Variants in HMGCL observed in about 807,000 individuals in gnomAD.
HMGCL encodes the protein hydroxymethylglutaryl-CoA lyase, mitochondrial.
Under a neutral mutation model 37.3 loss-of-function variants are expected in HMGCL, and 26 were observed. The ratio of observed to expected loss-of-function variants is 0.70; its 90% CI spans 0.51 to 0.97. The LOEUF (loss-of-function observed/expected upper bound fraction) is 0.97, where lower values mean the gene tolerates loss of function less well. Among genes scored for constraint, HMGCL ranks in the 50% least tolerant of loss-of-function variants. The pLI is 0.00. For synonymous variants in HMGCL, 151 were observed against 148.0 expected (o/e 1.02, Z -0.15); for missense variants, 379 against 398.1 (o/e 0.95, Z 0.41).
At chr1:23,825,304 T>C in intron 1 of HMGCL, 52 bp downstream of exon 1, 3 of 1,452,276 alleles carry the variant, frequency 2.1e-6, no homozygotes, top group Non-Finnish European at 2.8e-6. Flanking sequence ...CCCCCAACCC[T>C]GACAGTCAGA....
chr1:23,810,829 A>C, intron 5 of HMGCL, 30 bp from the exon 6 acceptor site: 1 of 1,597,658 alleles, frequency 6.3e-7, no homozygotes, highest in Non-Finnish European at 8.6e-7. Context: ...GAATGAGGTC[A>C]GTGTCCTGAG....
rs145531524 is a variant in HMGCL at position 23,818,139 on chromosome 1, T to C, written c.145-556A>G. Among the ~76,000 whole-genome samples, 1,305 of 152,272 alleles carry C rather than the reference T, an allele frequency of 8.6e-3. 17 individuals carry two copies. The highest frequency in any genetic ancestry group is 0.029 in the African/African-American group (1,206 of 41,548). On this transcript the variant is annotated intron_variant, in intron 2 of 8. Coordinates refer to ENST00000374490, the MANE Select transcript of HMGCL (RefSeq NM_000191.3). Reference sequence around the variant, plus strand: ...AAGCTTTCTATGGCTCCCTAATATTTACAGGATTACGCAAAAAATTCTAAG... The same window carrying C: ...AAGCTTTCTATGGCTCCCTAATATTCACAGGATTACGCAAAAAATTCTAAG...
intron 6 of HMGCL, among the ~76,000 whole-genome samples, chr1:23,808,732 T>C (rs1411877796): frequency 1.5e-5 from 2 of 136,606 alleles, no homozygotes; most frequent in South Asian, 2.3e-4. Context: ...ATGCTAGTTA[T>C]ATTTTTTTTC....
Position 23,817,503 on chromosome 1 carries a change from G to A in HMGCL, c.225C>T (p.Ser75=), listed in dbSNP as rs1357942068. 6.2e-7 allele frequency: 1 copy of A among 1,612,886 alleles called. No individual in the cohort carries two copies. Among genetic ancestry groups the A allele is most frequent in the Non-Finnish European group, 8.5e-7 (1 of 1,178,826 alleles). The change falls in exon 3 of 9, where the codon AGC becomes AGT. Residue 75 remains serine, a synonymous_variant. Transcript: ENST00000374490. ...GGGGAACCCACTTAGGAGACACAAA[G>A]CTGGTGGTTTCTATAACAGAGAGTC... ...EAGLSVIETT[S]FVSPKWVPQM...
At position 23,805,290 on chromosome 1, in the gene HMGCL, C is replaced by T. The variant is rs115948034; in HGVS notation, c.751-765G>A. 8.8e-3 allele frequency among the ~76,000 whole-genome samples: 1,338 copies of T among 152,274 alleles called. 16 individuals are homozygous for T. Among genetic ancestry groups the T allele is most frequent in the Middle Eastern group, 0.027 (8 of 294 alleles). ...CTCTCTGCTGCAACCTGTTACTCCC[C>T]TCCACTGGGTCATCTTCACACAGCC... On this transcript the variant is annotated intron_variant, in intron 7 of 8. Coordinates refer to ENST00000374490, the MANE Select transcript of HMGCL (RefSeq NM_000191.3).
In HMGCL at chr1:23,806,448, T is replaced by C. The variant is rs527531763; in HGVS notation, c.750+1687A>G. Among the ~76,000 whole-genome samples, 51 of 152,282 alleles carry C rather than the reference T, an allele frequency of 3.3e-4. No homozygotes were observed. Among genetic ancestry groups the C allele is most frequent in the African/African-American group, 1.1e-3 (46 of 41,558 alleles). The stretch of plus-strand genomic sequence containing the variant: ...CCGCCACATGCCTCCTCCTGATCCC[T>C]GAACACAGCAAGCACACTCCTCCCT... On this transcript the variant is annotated intron_variant, in intron 7 of 8. Transcript: ENST00000374490. The surrounding 1 kb of genome is among the most constrained non-coding windows in gnomAD (Gnocchi z 4.0).
intron 5 of HMGCL, 101 bp from the exon 6 acceptor site, chr1:23,810,900 T>C (rs1638508771): frequency 1.1e-6 from 1 of 897,188 alleles, no homozygotes; most frequent in African/African-American, 1.6e-5. Flanking sequence ...CAGTGTGCAA[T>C]CAACACCTGC....
chr1:23,813,890 T>C, intron 5 of HMGCL: 1 of 440,982 alleles, frequency 2.3e-6, no homozygotes, highest in Non-Finnish European at 4.2e-6. Flanking sequence ...CTATCATGGC[T>C]CACTGCAGCC....
chr1:23,819,062 A>C (rs1311938932), intron 2 of HMGCL, among the ~76,000 whole-genome samples: 1 of 151,044 alleles, frequency 6.6e-6, no homozygotes, highest in Admixed American at 6.6e-5. Flanking sequence ...TTTCTTATTG[A>C]AAAAATAATC....
intron 7 of HMGCL, chr1:23,807,314 G>A (rs765590087): frequency 3.9e-6 from 2 of 508,478 alleles, no homozygotes; most frequent in African/African-American, 1.9e-5. Flanking sequence ...ACAGAACTAC[G>A]AACCTTAACC....
intron 7 of HMGCL, among the ~76,000 whole-genome samples, chr1:23,805,694 C>T (rs994716111): frequency 1.3e-5 from 2 of 152,150 alleles, no homozygotes; most frequent in East Asian, 1.9e-4. Context: ...TCCCTGATCT[C>T]GGTTGGAGCC....
intron 2 of HMGCL, among the ~76,000 whole-genome samples, chr1:23,819,006 TAAAAAAAAAAAA>T: frequency 2.3e-5 from 1 of 43,120 alleles, no homozygotes; most frequent in South Asian, 1.4e-3. Context: ...ATGGACGTGC[TAAAAAAAAAAAA>T]AAAAAAAAAA....
chr1:23,810,892 G>GA, intron 5 of HMGCL, 93 bp from the exon 6 acceptor site: 1 of 1,002,326 alleles, frequency 1.0e-6, no homozygotes, highest in South Asian at 1.3e-5. Flanking sequence ...TTTCTGATCA[G>GA]TGTGCAATCA....
At chr1:23,825,175 C>T (rs564943884) in intron 1 of HMGCL, among the ~76,000 whole-genome samples, 181 bp downstream of exon 1, 1 of 152,314 alleles carries the variant, frequency 6.6e-6, no homozygotes, top group South Asian at 2.1e-4. Context: ...CCTCAGTTTT[C>T]CCATCCCCTT....
At chr1:23,810,514 G>T in intron 6 of HMGCL, 1 of 540,542 alleles carries the variant, frequency 1.9e-6, no homozygotes. Flanking sequence ...TTTTCAGGCT[G>T]GATAGAGGCC....
chr1:23,819,006 TAAAAAAAA>T (rs11371330), intron 2 of HMGCL, among the ~76,000 whole-genome samples: 5 of 43,120 alleles, frequency 1.2e-4, no homozygotes, highest in South Asian at 1.4e-3. Flanking sequence ...ATGGACGTGC[TAAAAAAAA>T]AAAAAAAAAA....
At chr1:23,813,528 A>G (rs1049222863) in intron 5 of HMGCL, among the ~76,000 whole-genome samples, 1 of 151,990 alleles carries the variant, frequency 6.6e-6, no homozygotes, top group Admixed American at 6.6e-5. Context: ...TTGTCCTCCC[A>G]AAGTGCTGGG....
chr1:23,804,752 A>T (rs1292402388), intron 7 of HMGCL, among the ~76,000 whole-genome samples: 1 of 151,782 alleles, frequency 6.6e-6, no homozygotes, highest in Non-Finnish European at 1.5e-5. Flanking sequence ...TTCATGGTGA[A>T]CTCTCATTCT....
chr1:23,803,440 G>A (rs1013577364), intron 8 of HMGCL: 1 of 152,316 alleles, frequency 6.6e-6, no homozygotes, highest in African/African-American at 2.4e-5. Context: ...GACCTCAGGT[G>A]ATCTGCCCAC....
Sources: allele counts gnomAD v4.1 joint callset (sites outside exome capture counted in the v4.1 genomes callset), GRCh38; gene constraint gnomAD v4.1.1; non-coding constraint Gnocchi (gnomAD v3.1); transcripts MANE v1.5; gene names NCBI Gene and HGNC (gene_info 2026-07-23, HGNC 2026-07-21).